The following PPIL3 variants were observed in gnomAD, a reference collection of about 807,000 sequenced individuals.
The protein encoded by PPIL3 is peptidylprolyl isomerase like 3.
Under a neutral mutation model 20.9 loss-of-function variants are expected in PPIL3, and 13 were observed. That is an observed-to-expected ratio of 0.62 (90% CI 0.40 to 0.99). The LOEUF is 0.99. Ranked by LOEUF, PPIL3 falls within the 50% of genes least tolerant of loss-of-function variation. The pLI, the probability that PPIL3 is intolerant of heterozygous loss-of-function variation, is 0.00. For missense variants in PPIL3, 170 were observed against 195.2 expected (o/e 0.87, Z 0.77); for synonymous variants, 71 against 64.4 (o/e 1.10, Z -0.49).
intron 6 of PPIL3, among the ~76,000 whole-genome samples, chr2:200,874,751 T>C (rs747146196): frequency 1.3e-5 from 2 of 152,162 alleles, no homozygotes; most frequent in African/African-American, 2.4e-5. Flanking sequence ...TATTAATGTG[T>C]AAATTAGATA....
intron 6 of PPIL3, among the ~76,000 whole-genome samples, chr2:200,875,906 G>C (rs950363489): frequency 6.6e-6 from 1 of 152,086 alleles, no homozygotes; most frequent in Non-Finnish European, 1.5e-5. Context: ...AGCACCTTTT[G>C]TCTTTCCTCC....
Position 200,887,683 on chromosome 2 carries a change from T to G in PPIL3, c.-68A>C. On this transcript the variant is annotated splice_region_variant and 5_prime_UTR_variant, in exon 2 of 7. Transcript: ENST00000392283. Reference sequence around the variant, plus strand: ...GTCTTACAGCGAGCTCAAAAATAAGTCTCTAGTCCCAAAAGAAAAAAAGAA... The same window carrying G: ...GTCTTACAGCGAGCTCAAAAATAAGGCTCTAGTCCCAAAAGAAAAAAAGAA... 1.5e-6 allele frequency: 2 copies of G among 1,330,642 alleles called. No individual in the cohort carries two copies. The highest frequency in any genetic ancestry group is 2.1e-6 in the Non-Finnish European group (2 of 955,170). The allele number at this position is 1,330,642 out of a possible 1,614,324, so 82.4% of individuals were successfully genotyped here.
At chr2:200,877,811 T>C (rs1361186553) in intron 5 of PPIL3, among the ~76,000 whole-genome samples, 3 of 152,216 alleles carry the variant, frequency 2.0e-5, no homozygotes, top group Non-Finnish European at 1.5e-5. Context: ...CTGTGGGTGT[T>C]CCACTCATGG....
At chr2:200,885,860 G>A (rs113183447) in intron 2 of PPIL3, 88 bp from the exon 3 acceptor site, 21 of 761,920 alleles carry the variant, frequency 2.8e-5, no homozygotes, top group African/African-American at 8.9e-5. Context: ...TATTCAAGAT[G>A]ATAATCTGAA....
chr2:200,875,791 C>T (rs1244859519), intron 6 of PPIL3, among the ~76,000 whole-genome samples: 2 of 151,972 alleles, frequency 1.3e-5, no homozygotes, highest in East Asian at 3.9e-4. Context: ...ACAGGCTGGT[C>T]TTGAACTCCT....
chr2:200,871,617 GT>G (rs1177510932), intron 6 of PPIL3, 96 bp from the exon 7 acceptor site: 2 of 1,081,304 alleles, frequency 1.8e-6, no homozygotes, highest in African/African-American at 3.2e-5. Flanking sequence ...AAATAATCAA[GT>G]CTTACAGATC....
intron 6 of PPIL3, among the ~76,000 whole-genome samples, chr2:200,873,673 G>GA (rs2105756162): frequency 6.7e-6 from 1 of 150,138 alleles, no homozygotes; most frequent in African/African-American, 2.4e-5. Flanking sequence ...CATTTGCTAA[G>GA]AAAGAGTGGC....
At chr2:200,874,204 CAAA>C (rs767177492) in intron 6 of PPIL3, among the ~76,000 whole-genome samples, 10 of 65,620 alleles carry the variant, frequency 1.5e-4, no homozygotes, top group African/African-American at 2.8e-4. Flanking sequence ...GACTCTGTCT[CAAA>C]AAAAAAAAAA....
At position 200,871,031 on chromosome 2, in the gene PPIL3, T is replaced by C. The variant is rs948200292; in HGVS notation, c.*364A>G. The C allele has an allele frequency of 1.3e-5, 2 of 158,444 alleles. No homozygotes were observed. Among genetic ancestry groups the C allele is most frequent in the African/African-American group, 4.8e-5 (2 of 41,632 alleles). 9.8% of individuals were successfully genotyped at this position (158,444 alleles called of 1,614,324 possible). On this transcript the variant is annotated 3_prime_UTR_variant, in exon 7 of 7. Coordinates refer to ENST00000392283, the MANE Select transcript of PPIL3 (RefSeq NM_130906.3). Reference sequence around the variant, plus strand: ...TAATTCTTTAAAACTTTTTAAATTTTATTATAAAATAACACTTCCAGGATA... The same window carrying C: ...TAATTCTTTAAAACTTTTTAAATTTCATTATAAAATAACACTTCCAGGATA...
chr2:200,876,051 T>C (rs930462359), intron 6 of PPIL3, among the ~76,000 whole-genome samples: 3 of 152,044 alleles, frequency 2.0e-5, no homozygotes, highest in African/African-American at 4.8e-5. Flanking sequence ...TTTTCAGATC[T>C]GTTAGTTGCT....
chr2:200,888,617 C>T (rs2040066714), intron 1 of PPIL3: 1 of 215,448 alleles, frequency 4.6e-6, no homozygotes, highest in Non-Finnish European at 9.7e-6. Context: ...CCTCCGCCTC[C>T]CGGGTTCAAG....
Position 200,883,105 on chromosome 2 carries a change from G to A in PPIL3, c.79-670C>T, listed in dbSNP as rs1409940322. 2.0e-5 allele frequency among the ~76,000 whole-genome samples: 3 copies of A among 147,602 alleles called. No homozygotes were observed. In the East Asian group the frequency reaches 5.9e-4, roughly 29 times the overall value. ...TCTGTACCTGAGATTTCTATATCTG[G>A]AATGTTCTTTTTTTTTTTTTTTTTT... On this transcript the variant is annotated intron_variant, in intron 3 of 6. Coordinates refer to ENST00000392283, the MANE Select transcript of PPIL3 (RefSeq NM_130906.3).
intron 3 of PPIL3, among the ~76,000 whole-genome samples, chr2:200,882,797 G>C (rs534251240): frequency 6.6e-6 from 1 of 151,760 alleles, no homozygotes; most frequent in Admixed American, 6.6e-5. Flanking sequence ...CTACTCTGGA[G>C]GCTGAGGGAG....
Position 200,887,673 on chromosome 2 carries a change from CA to C in PPIL3, c.-59del. 4 of 1,471,190 alleles carry C rather than the reference CA, an allele frequency of 2.7e-6. No homozygotes were observed. The highest frequency in any genetic ancestry group is 2.0e-5 in the Admixed American group (1 of 50,980). The allele number at this position is 1,471,190 out of a possible 1,614,324, so 91.1% of individuals were successfully genotyped here. ...TGATTTCTCAGTCTTACAGCGAGCT[CA>C]AAAATAAGTCTCTAGTCCCAAAAGA... On this transcript the variant is annotated 5_prime_UTR_variant, in exon 2 of 7. Transcript: ENST00000392283.
At chr2:200,877,511 A>G (rs1035517443) in intron 5 of PPIL3, 1 of 152,816 alleles carries the variant, frequency 6.5e-6, no homozygotes, top group East Asian at 1.9e-4. Flanking sequence ...ATATTAAGGA[A>G]TAGTGTGCTG....
intron 1 of PPIL3, among the ~76,000 whole-genome samples, chr2:200,887,928 G>A (rs145079048): frequency 0.038 from 5,806 of 151,918 alleles, 147 homozygotes; most frequent in Middle Eastern, 0.089. Context: ...GTGGTGGCAG[G>A]CGCCTGTAGT....
At chr2:200,885,241 C>G (rs1405594383) in intron 3 of PPIL3, 1 of 285,002 alleles carries the variant, frequency 3.5e-6, no homozygotes, top group Non-Finnish European at 6.4e-6. Flanking sequence ...CATGGTGGCG[C>G]ACGCCTGTAA....
chr2:200,886,920 C>T (rs1456505598), intron 2 of PPIL3: 2 of 152,284 alleles, frequency 1.3e-5, no homozygotes, highest in Admixed American at 1.3e-4. Flanking sequence ...TCACCTCCGC[C>T]TCCCAAAGTG....
chr2:200,871,623 C>G (rs2039308685), intron 6 of PPIL3, 102 bp from the exon 7 acceptor site: 1 of 1,030,100 alleles, frequency 9.7e-7, no homozygotes, highest in Non-Finnish European at 1.4e-6. Flanking sequence ...TCAAGTCTTA[C>G]AGATCTCTGA....
Sources: allele counts gnomAD v4.1 joint callset (sites outside exome capture counted in the v4.1 genomes callset), GRCh38; gene constraint gnomAD v4.1.1; transcripts MANE v1.5; gene names NCBI Gene and HGNC (gene_info 2026-07-23, HGNC 2026-07-21).